SMARCAD1: variants seen among roughly 807,000 people sequenced by gnomAD.
SMARCAD1 encodes the protein SWI/SNF-related matrix-associated actin-dependent regulator of chromatin subfamily A containing DEAD/H box 1.
SMARCAD1 carries 25 observed loss-of-function variants against 127.1 expected under a neutral mutation model. That is an observed-to-expected ratio of 0.20 (90% CI 0.14 to 0.27). The LOEUF is 0.27. Ranked by LOEUF, SMARCAD1 falls within the 10% of genes least tolerant of loss-of-function variation. SMARCAD1 has a pLI of 1.00. For missense variants in SMARCAD1, 807 were observed against 1,206.0 expected, an observed-to-expected ratio of 0.67 and a Z score of 4.90; for synonymous variants, 400 against 396.9, an observed-to-expected ratio of 1.01 and a Z score of -0.09.
Position 94,290,889 on chromosome 4 carries a change from A to G in SMARCAD1, c.*1355A>G. On this transcript the variant is annotated 3_prime_UTR_variant, in exon 24 of 24. Transcript: ENST00000354268. ...ACTTGCTAAGATGCTAGGTAGTACG[A>G]CCCTCTGGATTTGGAAGGCAAATAA... 1 of 453,686 alleles carries G rather than the reference A, an allele frequency of 2.2e-6. No homozygotes were observed. Among genetic ancestry groups the G allele is most frequent in the South Asian group, 1.6e-5 (1 of 64,154 alleles). 28.1% of individuals were successfully genotyped at this position (453,686 alleles called of 1,614,324 possible).
At chr4:94,256,455 C>T (rs774311152) in intron 9 of SMARCAD1, among the ~76,000 whole-genome samples, 4 of 152,064 alleles carry the variant, frequency 2.6e-5, no homozygotes, top group Non-Finnish European at 4.4e-5. Context: ...CTCCACCTCC[C>T]GGGTTCAAGC....
chr4:94,210,417 A>C (rs901220578), intron 2 of SMARCAD1, among the ~76,000 whole-genome samples: 1 of 152,248 alleles, frequency 6.6e-6, no homozygotes, highest in Non-Finnish European at 1.5e-5. Context: ...TATCCATTGA[A>C]GAACTTACAG....
rs188547700 is a variant in SMARCAD1, at chr4:94,237,329, A to G, written c.604+311A>G. Among the ~76,000 whole-genome samples the G allele has an allele frequency of 2.0e-5, 3 of 152,180 alleles. No homozygotes were observed. In the East Asian group the frequency reaches 5.8e-4, roughly 29 times the overall value. ...GTTTACGAATCTTAGTAGGAACATA[A>G]TGTCTTAGGGAAAGGCGTAGCTGGT... On this transcript the variant is annotated intron_variant, in intron 5 of 23. Coordinates refer to ENST00000354268, the MANE Select transcript of SMARCAD1 (RefSeq NM_020159.5).
chr4:94,272,336 A>G (rs1259740702), intron 11 of SMARCAD1, among the ~76,000 whole-genome samples: 1 of 152,272 alleles, frequency 6.6e-6, no homozygotes, highest in Non-Finnish European at 1.5e-5. Context: ...GATAGCATTC[A>G]GTTCCCCTGA....
intron 5 of SMARCAD1, among the ~76,000 whole-genome samples, chr4:94,238,642 A>G (rs1354402797): frequency 6.6e-6 from 1 of 152,136 alleles, no homozygotes; most frequent in Non-Finnish European, 1.5e-5. Context: ...AGAAAGAAAA[A>G]ACCTCCTGAA....
intron 9 of SMARCAD1, among the ~76,000 whole-genome samples, chr4:94,263,922 C>T (rs913288310): frequency 2.0e-5 from 3 of 151,832 alleles, no homozygotes; most frequent in Non-Finnish European, 4.4e-5. Flanking sequence ...TTTCAGCTAT[C>T]TATCTGAAAA....
intron 10 of SMARCAD1, 110 bp from the exon 11 acceptor site, chr4:94,270,618 A>G (rs1185680729): frequency 1.6e-5 from 14 of 860,310 alleles, no homozygotes; most frequent in East Asian, 1.0e-4. Flanking sequence ...TCTAACAGTT[A>G]AAAGGTAAGA....
chr4:94,229,332 C>T (rs1745472453), intron 3 of SMARCAD1, among the ~76,000 whole-genome samples: 1 of 152,070 alleles, frequency 6.6e-6, no homozygotes, highest in Non-Finnish European at 1.5e-5. Context: ...ATTTGGTAGT[C>T]TGTAATGTTC....
At chr4:94,221,535 A>G (rs529053985) in intron 2 of SMARCAD1, among the ~76,000 whole-genome samples, 1 of 152,364 alleles carries the variant, frequency 6.6e-6, no homozygotes, top group Admixed American at 6.5e-5. Flanking sequence ...TTTTCACAAA[A>G]TGAAATGAAA....
chr4:94,286,525 T>A (rs1651150849), intron 23 of SMARCAD1, among the ~76,000 whole-genome samples: 1 of 152,190 alleles, frequency 6.6e-6, no homozygotes, highest in Admixed American at 6.5e-5. Context: ...TTTACTTTAT[T>A]ATCGAAAATC....
intron 6 of SMARCAD1, among the ~76,000 whole-genome samples, chr4:94,242,467 C>T (rs1394246843): frequency 6.6e-6 from 1 of 152,112 alleles, no homozygotes; most frequent in East Asian, 1.9e-4. Flanking sequence ...CTGATCTCTA[C>T]CTCTGGCCAT....
chr4:94,227,981 T>C (rs1745277446), intron 3 of SMARCAD1, among the ~76,000 whole-genome samples: 1 of 152,172 alleles, frequency 6.6e-6, no homozygotes, highest in Non-Finnish European at 1.5e-5. Context: ...AGAAGAAACC[T>C]GTAGAAGGTT....
rs146539278 is a variant in SMARCAD1, at chr4:94,238,846, T to C, written c.604+1828T>C. ...TGAGCAATTCATCTTATTCAACTTA[T>C]TCATTAATTTCACAAATATTTATTA... On this transcript the variant is annotated intron_variant, in intron 5 of 23. Transcript: ENST00000354268. 3.9e-5 allele frequency among the ~76,000 whole-genome samples: 6 copies of C among 152,302 alleles called. No homozygotes were observed. In the South Asian group the frequency reaches 6.2e-4, roughly 16 times the overall value.
At position 94,262,512 on chromosome 4, in the gene SMARCAD1, T is replaced by TA. The variant is rs533440518; in HGVS notation, c.1282-2192dup. On this transcript the variant is annotated intron_variant, in intron 9 of 23. Coordinates refer to ENST00000354268, the MANE Select transcript of SMARCAD1 (RefSeq NM_020159.5). ...CACATTACTCTCATAGAGTTCTTTC[T>TA]AAACAGGAACTCTCTAAAACCCTTC... Among the ~76,000 whole-genome samples the TA allele has an allele frequency of 7.9e-5, 12 of 152,326 alleles. No homozygotes were observed. The East Asian group carries it at 2.1e-3, about 27-fold the overall frequency.
At chr4:94,241,060 T>G in intron 6 of SMARCAD1, 54 bp downstream of exon 6, 2 of 1,174,364 alleles carry the variant, frequency 1.7e-6, no homozygotes, top group South Asian at 2.5e-5. Context: ...GGTTAGGATA[T>G]GTGGAGTTTG....
rs1366891632 is a variant in SMARCAD1, at chr4:94,290,458, A to T, written c.*924A>T. The T allele has an allele frequency of 3.3e-5, 15 of 454,428 alleles. No homozygotes were observed. The highest frequency in any genetic ancestry group is 6.6e-5 in the Non-Finnish European group (15 of 226,784). The allele number at this position is 454,428 out of a possible 1,614,324, so 28.1% of individuals were successfully genotyped here. A position where few individuals can be genotyped will look rare whatever the true frequency, so the allele number is the denominator to read the frequency against. ...AGAACAGATTACTTAAAGCTATTTC[A>T]TTTCAAAGCAGACTGAATGTGACTT... On this transcript the variant is annotated 3_prime_UTR_variant, in exon 24 of 24. Coordinates refer to ENST00000354268, the MANE Select transcript of SMARCAD1 (RefSeq NM_020159.5).
At chr4:94,215,053 T>A (rs1742945897) in intron 2 of SMARCAD1, among the ~76,000 whole-genome samples, 2 of 152,184 alleles carry the variant, frequency 1.3e-5, no homozygotes. Context: ...TTGCCCACAT[T>A]AAAATGGTTA....
In SMARCAD1 at chr4:94,290,753, TTG is replaced by T. The variant is rs1261693944; in HGVS notation, c.*1222_*1223del. The T allele has an allele frequency of 4.7e-6, 2 of 428,376 alleles. No individual in the cohort carries two copies. Among genetic ancestry groups the T allele is most frequent in the African/African-American group, 2.1e-5 (1 of 48,596 alleles). 26.5% of individuals were successfully genotyped at this position (428,376 alleles called of 1,614,324 possible). Reference sequence around the variant, plus strand: ...TTATACATCAGTTTCTTTGTATAACTTGTGAGTTCCATGTGTTTTGTTTTTAT... The same window carrying T: ...TTATACATCAGTTTCTTTGTATAACTTGAGTTCCATGTGTTTTGTTTTTAT... On this transcript the variant is annotated 3_prime_UTR_variant, in exon 24 of 24. Transcript: ENST00000354268.
intron 9 of SMARCAD1, among the ~76,000 whole-genome samples, chr4:94,256,988 T>C (rs1750197368): frequency 6.6e-6 from 1 of 152,196 alleles, no homozygotes; most frequent in Non-Finnish European, 1.5e-5. Flanking sequence ...AACAGTTTCC[T>C]CCTTCCTATG....
Sources: allele counts gnomAD v4.1 joint callset (sites outside exome capture counted in the v4.1 genomes callset), GRCh38; gene constraint gnomAD v4.1.1; transcripts MANE v1.5; gene names NCBI Gene and HGNC (gene_info 2026-07-23, HGNC 2026-07-21).